Variants in COL23A1 observed in about 807,000 individuals in gnomAD.
The protein encoded by COL23A1 is collagen alpha-1(XXIII) chain.
In COL23A1, 97 loss-of-function variants were observed where a neutral mutation model predicts 99.3. That is an observed-to-expected ratio of 0.98 (90% CI 0.83 to 1.16). COL23A1 has a LOEUF of 1.16. Ranked by LOEUF, COL23A1 falls within the 50% of genes most tolerant of loss-of-function variation. The pLI is 0.00. For missense variants in COL23A1, 762 were observed against 757.4 expected, an observed-to-expected ratio of 1.01 and a Z score of -0.07; for synonymous variants, 320 against 308.2, an observed-to-expected ratio of 1.04 and a Z score of -0.40.
chr5:178,571,595 C>T (rs1763098654), intron 1 of COL23A1, among the ~76,000 whole-genome samples: 1 of 128,952 alleles, frequency 7.8e-6, no homozygotes, highest in African/African-American at 3.6e-5. Flanking sequence ...TCATGTCTGG[C>T]AGAAGAATAA....
intron 5 of COL23A1, among the ~76,000 whole-genome samples, chr5:178,274,285 C>A (rs1477871076): frequency 1.3e-5 from 2 of 152,208 alleles, no homozygotes; most frequent in African/African-American, 4.8e-5. Flanking sequence ...CATCTACAAA[C>A]CAGGTGTTTC....
At position 178,306,637 on chromosome 5, in the gene COL23A1, A is replaced by C; in HGVS notation, c.406+238T>G. The stretch of plus-strand genomic sequence containing the variant: ...AGGGGCCAACAACGAGGTTCGGGGG[A>C]TGACTGGGGGCAGAGGGGACAGTCC... On this transcript the variant is annotated intron_variant, in intron 3 of 28. Transcript: ENST00000390654. The surrounding 1 kb of genome is among the most constrained non-coding windows in gnomAD (Gnocchi z 4.1). Among the ~76,000 whole-genome samples, 1 of 128,768 alleles carries C rather than the reference A, an allele frequency of 7.8e-6. No individual in the cohort carries two copies. Among genetic ancestry groups the C allele is most frequent in the Non-Finnish European group, 1.7e-5 (1 of 59,760 alleles). The allele number at this position is 128,768 out of a possible 152,430, so 84.5% of individuals were successfully genotyped here.
rs1371217610 is a variant in COL23A1, at chr5:178,275,437, G to C, written c.442-5074C>G. Among the ~76,000 whole-genome samples, 3 of 152,204 alleles carry C rather than the reference G, an allele frequency of 2.0e-5. No individual in the cohort carries two copies. In the East Asian group the frequency reaches 5.8e-4, roughly 29 times the overall value. Reference sequence around the variant, plus strand: ...CCTCGGCCTGTCGCGTATTTCCTAAGCCGGGTTCACAGAGCCATCTTTTGA... The same window carrying C: ...CCTCGGCCTGTCGCGTATTTCCTAACCCGGGTTCACAGAGCCATCTTTTGA... On this transcript the variant is annotated intron_variant, in intron 5 of 28. Transcript: ENST00000390654.
chr5:178,267,613 T>C (rs74797603), intron 7 of COL23A1, among the ~76,000 whole-genome samples: 3,601 of 152,118 alleles, frequency 0.024, 147 homozygotes, highest in African/African-American at 0.082. Context: ...GCCCCAGACA[T>C]TGTGGAGCAG....
intron 2 of COL23A1, among the ~76,000 whole-genome samples, chr5:178,319,422 T>C (rs992629993): frequency 6.6e-6 from 1 of 151,912 alleles, no homozygotes; most frequent in African/African-American, 2.4e-5. Context: ...ACTTAAAAGG[T>C]CATTCGTGTG....
At chr5:178,507,451 TC>T (rs1212502042) in intron 2 of COL23A1, among the ~76,000 whole-genome samples, 1 of 152,216 alleles carries the variant, frequency 6.6e-6, no homozygotes, top group Non-Finnish European at 1.5e-5. Flanking sequence ...GCTGGCCACT[TC>T]CCGTGCAAAG....
intron 2 of COL23A1, among the ~76,000 whole-genome samples, chr5:178,532,107 C>T (rs1286739215): frequency 6.6e-6 from 1 of 152,202 alleles, no homozygotes; most frequent in African/African-American, 2.4e-5. Context: ...TCGGAGACTC[C>T]CCTTTTTGGT....
chr5:178,363,258 CT>C (rs1762270504), intron 2 of COL23A1, among the ~76,000 whole-genome samples: 1 of 152,004 alleles, frequency 6.6e-6, no homozygotes, highest in Admixed American at 6.6e-5. Flanking sequence ...ATTCTGGCCT[CT>C]CCTATAGGAC....
rs760440134 is a variant in COL23A1, at chr5:178,366,299, G to A, written c.362-59380C>T. 1.3e-5 allele frequency among the ~76,000 whole-genome samples: 2 copies of A among 152,190 alleles called. No individual in the cohort carries two copies. The highest frequency in any genetic ancestry group is 2.9e-5 in the Non-Finnish European group (2 of 68,034). On this transcript the variant is annotated intron_variant, in intron 2 of 28. Transcript: ENST00000390654. The surrounding 1 kb of genome is among the most constrained non-coding windows in gnomAD (Gnocchi z 4.4). The stretch of plus-strand genomic sequence containing the variant: ...CGCTGCCTTGCCCGAGGTTCCCTCT[G>A]CACCCCACGATGGGCGCTGCGTCCT...
chr5:178,357,073 G>A (rs557561229), intron 2 of COL23A1, among the ~76,000 whole-genome samples: 4 of 152,316 alleles, frequency 2.6e-5, no homozygotes, highest in South Asian at 2.1e-4. Flanking sequence ...GAAAATGAAC[G>A]GAGCTAAAGA....
intron 2 of COL23A1, among the ~76,000 whole-genome samples, chr5:178,483,778 G>A (rs953232083): frequency 6.6e-6 from 1 of 152,250 alleles, no homozygotes; most frequent in African/African-American, 2.4e-5. Flanking sequence ...TACCCACAAA[G>A]CACGTGGAGC....
Position 178,428,387 on chromosome 5 carries a change from A to G in COL23A1, c.362-121468T>C, listed in dbSNP as rs1219727273. Among the ~76,000 whole-genome samples, 1 of 152,150 alleles carries G rather than the reference A, an allele frequency of 6.6e-6. No individual in the cohort carries two copies. The highest frequency in any genetic ancestry group is 1.5e-5 in the Non-Finnish European group (1 of 68,026). ...TTTGCACGAGGAGGAGCCTTCCTGG[A>G]TCAAAACCTACCAAGATAACAGGGA... On this transcript the variant is annotated intron_variant, in intron 2 of 28. Transcript: ENST00000390654. This position sits in a 1 kb window ranked among gnomAD's most constrained non-coding sequence, Gnocchi z 5.0.
chr5:178,400,095 T>G (rs2910129), intron 2 of COL23A1, among the ~76,000 whole-genome samples: 105,301 of 152,026 alleles, frequency 0.69, 37,930 homozygotes, highest in African/African-American at 0.87. Flanking sequence ...GGCTGGGCGC[T>G]GTGGCTCACA....
At chr5:178,539,565 A>G (rs1380587400) in intron 2 of COL23A1, among the ~76,000 whole-genome samples, 8 of 149,358 alleles carry the variant, frequency 5.4e-5, no homozygotes, top group East Asian at 1.9e-4. Flanking sequence ...AAAAAAAAAA[A>G]AAAGAAAAAG....
chr5:178,548,193 G>A (rs556104683), intron 2 of COL23A1, among the ~76,000 whole-genome samples: 99 of 151,216 alleles, frequency 6.5e-4, no homozygotes, highest in African/African-American at 2.1e-3. Flanking sequence ...ATCACTCCCG[G>A]CACCGTGTGT....
At chr5:178,275,572 A>G (rs1756537186) in intron 5 of COL23A1, among the ~76,000 whole-genome samples, 1 of 152,226 alleles carries the variant, frequency 6.6e-6, no homozygotes, top group South Asian at 2.1e-4. Flanking sequence ...ACTCAGCATC[A>G]TCATGAGGTC....
At chr5:178,559,497 C>T (rs1432380252) in intron 2 of COL23A1, among the ~76,000 whole-genome samples, 2 of 150,130 alleles carry the variant, frequency 1.3e-5, no homozygotes, top group Non-Finnish European at 3.0e-5. Flanking sequence ...AGCCACCTTT[C>T]CCTGCACATC....
chr5:178,385,840 C>T lies in COL23A1; in HGVS notation c.362-78921G>A, dbSNP rs1045549486. Among the ~76,000 whole-genome samples the T allele has an allele frequency of 3.9e-5, 6 of 152,316 alleles. No homozygotes were observed. In the East Asian group the frequency reaches 7.7e-4, roughly 20 times the overall value. ...AGGACCTCTGGGATCAGAAAGTTCCCGTGTCGGCTGCCAGGATTTTCAAAA... is the reference window on the plus strand; with the variant it reads ...AGGACCTCTGGGATCAGAAAGTTCCTGTGTCGGCTGCCAGGATTTTCAAAA... On this transcript the variant is annotated intron_variant, in intron 2 of 28. Transcript: ENST00000390654.
At chr5:178,464,849 A>T (rs1405331946) in intron 2 of COL23A1, among the ~76,000 whole-genome samples, 3 of 152,182 alleles carry the variant, frequency 2.0e-5, no homozygotes, top group Admixed American at 6.5e-5. Context: ...TAGATGAGGA[A>T]GCAGCGCTTA....
Sources: gnomAD v4.1 joint callset for allele counts (sites outside exome capture counted in the v4.1 genomes callset) on GRCh38, gnomAD v4.1.1 for gene constraint, Gnocchi (gnomAD v3.1) non-coding constraint, MANE v1.5 for transcripts, NCBI Gene and HGNC (gene_info 2026-07-23, HGNC 2026-07-21) for gene names.